GLI3: variants seen among roughly 807,000 people sequenced by gnomAD.
GLI3 encodes transcription activator GLI3.
GLI3 carries 20 observed loss-of-function variants against 100.8 expected under a neutral mutation model. The ratio of observed to expected loss-of-function variants is 0.20; its 90% CI spans 0.14 to 0.29. The LOEUF is 0.29. Among genes scored for constraint, GLI3 ranks in the 10% least tolerant of loss-of-function variants. GLI3 has a pLI of 1.00. For missense variants in GLI3, 2,040 were observed against 2,128.5 expected (o/e 0.96, Z 0.82); for synonymous variants, 938 against 860.5 (o/e 1.09, Z -1.58).
At chr7:42,138,308 C>A (rs1786479926) in intron 3 of GLI3, among the ~76,000 whole-genome samples, 1 of 152,218 alleles carries the variant, frequency 6.6e-6, no homozygotes, top group South Asian at 2.1e-4. Context: ...TCTCCCACAT[C>A]ATCGATCTGT....
chr7:42,088,941 C>T (rs1785161061), intron 3 of GLI3, among the ~76,000 whole-genome samples: 3 of 152,214 alleles, frequency 2.0e-5, no homozygotes, highest in Admixed American at 6.5e-5. Flanking sequence ...CTGGACTCAG[C>T]AGCTGCTTAC....
intron 7 of GLI3, among the ~76,000 whole-genome samples, chr7:42,027,577 T>C (rs1326723677): frequency 1.3e-5 from 2 of 152,118 alleles, no homozygotes. Flanking sequence ...AAGTAATAAT[T>C]CCAAAGATAT....
At chr7:42,005,005 G>T (rs1482246096) in intron 10 of GLI3, among the ~76,000 whole-genome samples, 2 of 152,110 alleles carry the variant, frequency 1.3e-5, no homozygotes, top group African/African-American at 4.8e-5. Flanking sequence ...AAAAAGAGTG[G>T]TGAGAAAAAC....
At chr7:42,105,018 A>C (rs1785543650) in intron 3 of GLI3, among the ~76,000 whole-genome samples, 1 of 152,254 alleles carries the variant, frequency 6.6e-6, no homozygotes, top group Admixed American at 6.5e-5. Flanking sequence ...TGATACTGCC[A>C]GGAACTTTGA....
chr7:42,067,668 G>T (rs2128749254), intron 4 of GLI3, among the ~76,000 whole-genome samples: 2 of 152,216 alleles, frequency 1.3e-5, no homozygotes, highest in East Asian at 3.9e-4. Flanking sequence ...CCTTAGGCTG[G>T]CTACCTAGGC....
chr7:42,080,774 G>A (rs969740461), intron 3 of GLI3, among the ~76,000 whole-genome samples: 1 of 152,122 alleles, frequency 6.6e-6, no homozygotes, highest in African/African-American at 2.4e-5. Flanking sequence ...TACTTGCCTT[G>A]CTGGTGTCTT....
chr7:42,230,388 T>C (rs1788675771), intron 1 of GLI3, among the ~76,000 whole-genome samples: 1 of 152,148 alleles, frequency 6.6e-6, no homozygotes. Flanking sequence ...CATACCCAAA[T>C]GGAATTACTC....
chr7:42,035,614 G>A (rs529383422), intron 7 of GLI3, among the ~76,000 whole-genome samples: 1 of 152,330 alleles, frequency 6.6e-6, no homozygotes, highest in South Asian at 2.1e-4. Context: ...AAGTGAGAAA[G>A]TGATACCCAG....
chr7:42,220,141 C>T (rs958673977), intron 2 of GLI3, among the ~76,000 whole-genome samples: 8 of 152,036 alleles, frequency 5.3e-5, no homozygotes, highest in East Asian at 1.9e-4. Flanking sequence ...TGTGAGCCAC[C>T]GGGCCTGGCC....
intron 4 of GLI3, among the ~76,000 whole-genome samples, chr7:42,057,913 G>C (rs1263805052): frequency 6.6e-6 from 1 of 151,972 alleles, no homozygotes. Flanking sequence ...GGGGAATAAA[G>C]GATAAAAAAA....
chr7:42,165,963 T>C (rs1787233260), intron 2 of GLI3, among the ~76,000 whole-genome samples: 2 of 152,250 alleles, frequency 1.3e-5, no homozygotes, highest in Admixed American at 6.5e-5. Context: ...TTAGTGAAAA[T>C]GGAAGCAAAG....
intron 2 of GLI3, among the ~76,000 whole-genome samples, chr7:42,148,962 C>A (rs1562758616): frequency 6.6e-6 from 1 of 152,134 alleles, no homozygotes; most frequent in Non-Finnish European, 1.5e-5. Context: ...GGCCTTTGCT[C>A]CTAGAGAATG....
chr7:42,003,904 C>A lies in GLI3; in HGVS notation c.1497+19564G>T, dbSNP rs540365182. Among the ~76,000 whole-genome samples, 7 of 152,192 alleles carry A rather than the reference C, an allele frequency of 4.6e-5. No individual in the cohort carries two copies. The South Asian group carries it at 1.5e-3, about 32-fold the overall frequency. On this transcript the variant is annotated intron_variant, in intron 10 of 14. Coordinates refer to ENST00000395925, the MANE Select transcript of GLI3 (RefSeq NM_000168.6). Reference sequence around the variant, plus strand: ...ACAAAGATATAAATCTCAGTCATAACAATGTGAAACTTATAAATAAACAGG... The same window carrying A: ...ACAAAGATATAAATCTCAGTCATAAAAATGTGAAACTTATAAATAAACAGG...
At position 42,058,951 on chromosome 7, in the gene GLI3, C is replaced by T. The variant is rs1335917779; in HGVS notation, c.474-10255G>A. Among the ~76,000 whole-genome samples, 4 of 152,258 alleles carry T rather than the reference C, an allele frequency of 2.6e-5. No individual in the cohort carries two copies. In the East Asian group the frequency reaches 7.7e-4, roughly 29 times the overall value. On this transcript the variant is annotated intron_variant, in intron 4 of 14. Coordinates refer to ENST00000395925, the MANE Select transcript of GLI3 (RefSeq NM_000168.6). ...ATTCCAGCCACTGTAACATGCAATG[C>T]ACTGTTATTAAAAAGAGATCTTAAT...
At chr7:42,189,516 A>G (rs1285325130) in intron 2 of GLI3, among the ~76,000 whole-genome samples, 2 of 152,236 alleles carry the variant, frequency 1.3e-5, no homozygotes, top group African/African-American at 2.4e-5. Context: ...CTAATCAGGA[A>G]AAGCTGTAAT....
At chr7:42,226,581 G>A (rs1239898172) in intron 1 of GLI3, among the ~76,000 whole-genome samples, 1 of 152,024 alleles carries the variant, frequency 6.6e-6, no homozygotes, top group African/African-American at 2.4e-5. Flanking sequence ...TAGGCCCTTG[G>A]TCACTCAACA....
intron 3 of GLI3, among the ~76,000 whole-genome samples, chr7:42,116,256 C>A (rs756667768): frequency 4.6e-5 from 7 of 152,118 alleles, no homozygotes; most frequent in Non-Finnish European, 8.8e-5. Flanking sequence ...TTAAAAACCT[C>A]TGCGTTTTGA....
At chr7:42,000,953 A>T (rs986464653) in intron 10 of GLI3, among the ~76,000 whole-genome samples, 1 of 152,188 alleles carries the variant, frequency 6.6e-6, no homozygotes, top group Non-Finnish European at 1.5e-5. Context: ...TTTAAGAAAA[A>T]AAAAGGAGGA....
chr7:42,155,592 C>T (rs1786983445), intron 2 of GLI3, among the ~76,000 whole-genome samples: 1 of 152,162 alleles, frequency 6.6e-6, no homozygotes, highest in Non-Finnish European at 1.5e-5. Flanking sequence ...AAACCATTTG[C>T]TCCAAAGAGC....
Sources: gnomAD v4.1 joint callset for allele counts (sites outside exome capture counted in the v4.1 genomes callset) on GRCh38, gnomAD v4.1.1 for gene constraint, MANE v1.5 for transcripts, NCBI Gene and HGNC (gene_info 2026-07-23, HGNC 2026-07-21) for gene names.